Variants in ZFHX3 observed in about 807,000 individuals in gnomAD.
ZFHX3 encodes zinc finger homeobox 3, also known as zinc finger homeobox protein 3.
In ZFHX3, 42 loss-of-function variants were observed where a neutral mutation model predicts 279.1. The observed-to-expected ratio is 0.15, with a 90% CI of 0.12 to 0.19. The LOEUF (loss-of-function observed/expected upper bound fraction) is 0.19. Among genes scored for constraint, ZFHX3 ranks in the 10% least tolerant of loss-of-function variants. The pLI is 1.00. For missense variants in ZFHX3, 4,981 were observed against 4,754.0 expected, an observed-to-expected ratio of 1.05 and a Z score of -1.40; for synonymous variants, 2,293 against 1,957.8, an observed-to-expected ratio of 1.17 and a Z score of -4.52.
intron 2 of ZFHX3, among the ~76,000 whole-genome samples, chr16:73,469,849 C>G (rs1052517550): frequency 1.3e-5 from 2 of 152,096 alleles, no homozygotes; most frequent in African/African-American, 4.8e-5. Context: ...AACTCCTGAC[C>G]TCGTGATGCA....
At chr16:73,859,619 A>C (rs1319171390) in intron 1 of ZFHX3, among the ~76,000 whole-genome samples, 1 of 152,218 alleles carries the variant, frequency 6.6e-6, no homozygotes, top group Non-Finnish European at 1.5e-5. Flanking sequence ...TATTAACAAG[A>C]TAATACCTGG....
chr16:73,740,595 A>T (rs1041530781), intron 1 of ZFHX3, among the ~76,000 whole-genome samples: 1 of 152,218 alleles, frequency 6.6e-6, no homozygotes, highest in East Asian at 1.9e-4. Context: ...GATGGTATTC[A>T]TTTTACCATG....
intron 2 of ZFHX3, among the ~76,000 whole-genome samples, chr16:73,617,222 G>A (rs1281320272): frequency 2.0e-5 from 3 of 152,134 alleles, no homozygotes; most frequent in Non-Finnish European, 2.9e-5. Flanking sequence ...TTGATATGAC[G>A]GGCTGCTTAT....
intron 6 of ZFHX3, among the ~76,000 whole-genome samples, chr16:73,139,673 C>T (rs992683574): frequency 1.3e-5 from 2 of 152,152 alleles, no homozygotes; most frequent in Non-Finnish European, 2.9e-5. Flanking sequence ...TGGCTGCCGC[C>T]GTGATGCTCC....
At chr16:73,810,887 T>C (rs949862793) in intron 1 of ZFHX3, among the ~76,000 whole-genome samples, 2 of 152,164 alleles carry the variant, frequency 1.3e-5, no homozygotes, top group South Asian at 2.1e-4. Flanking sequence ...TTCTACTAAT[T>C]TTATAATATA....
chr16:73,079,621 G>C (rs966506109), intron 8 of ZFHX3, among the ~76,000 whole-genome samples: 1 of 151,948 alleles, frequency 6.6e-6, no homozygotes. Flanking sequence ...TTACAAGCGT[G>C]AGCTGCCACA....
chr16:73,830,464 A>C (rs1345367341), intron 1 of ZFHX3, among the ~76,000 whole-genome samples: 1 of 152,208 alleles, frequency 6.6e-6, no homozygotes, highest in East Asian at 1.9e-4. Context: ...AGCAGAAGCA[A>C]GGGTTAACTG....
At chr16:73,275,717 T>A (rs2014278322) in intron 4 of ZFHX3, among the ~76,000 whole-genome samples, 1 of 152,240 alleles carries the variant, frequency 6.6e-6, no homozygotes. Flanking sequence ...AATACTTTAT[T>A]GCTAACAAAT....
At position 73,695,132 on chromosome 16, in the gene ZFHX3, G is replaced by A. The variant is rs576020944; in HGVS notation, c.-1607-14892C>T. On this transcript the variant is annotated intron_variant, in intron 1 of 17. Coordinates refer to the ZFHX3 transcript ENST00000641206. ...ACTCCTCCTATACCCCGATGGGGTG[G>A]TGCCAGTCAGTAAATATTTTTCAAG... Among the ~76,000 whole-genome samples, 121 of 152,286 alleles carry A rather than the reference G, an allele frequency of 7.9e-4. 1 individual carries two copies. Among genetic ancestry groups the A allele is most frequent in the African/African-American group, 2.7e-3 (113 of 41,566 alleles).
At chr16:73,695,232 GT>G (rs1409367239) in intron 1 of ZFHX3, among the ~76,000 whole-genome samples, 1 of 77,918 alleles carries the variant, frequency 1.3e-5, no homozygotes, top group Non-Finnish European at 3.0e-5. Flanking sequence ...TTCAAATACA[GT>G]TTTTTTTTGT....
chr16:73,314,787 A>G (rs187772595), intron 4 of ZFHX3, among the ~76,000 whole-genome samples: 2 of 152,376 alleles, frequency 1.3e-5, no homozygotes, highest in African/African-American at 4.8e-5. Flanking sequence ...AAAAGACCCA[A>G]CAACTTTTCT....
At chr16:73,336,078 C>A (rs1470409315) in intron 3 of ZFHX3, among the ~76,000 whole-genome samples, 2 of 152,174 alleles carry the variant, frequency 1.3e-5, no homozygotes, top group Non-Finnish European at 2.9e-5. Flanking sequence ...CACCCAGGCT[C>A]CCATTCGTTC....
intron 3 of ZFHX3, among the ~76,000 whole-genome samples, chr16:72,936,597 T>C (rs1400274394): frequency 6.6e-6 from 1 of 152,142 alleles, no homozygotes; most frequent in Non-Finnish European, 1.5e-5. Context: ...AAAGGCCCTG[T>C]GGCAGGCGCC....
chr16:72,788,934 C>G, intron 9 of ZFHX3, 86 bp from the exon 10 acceptor site: 1 of 1,489,010 alleles, frequency 6.7e-7, no homozygotes, highest in Non-Finnish European at 8.9e-7. Context: ...GTCACTGGCA[C>G]ACAGTTTGAG....
chr16:72,846,011 T>C (rs2037470637), intron 4 of ZFHX3, among the ~76,000 whole-genome samples: 1 of 152,162 alleles, frequency 6.6e-6, no homozygotes, highest in African/African-American at 2.4e-5. Flanking sequence ...TTGTGCTGTC[T>C]GTCCATCCAT....
intron 1 of ZFHX3, among the ~76,000 whole-genome samples, chr16:72,977,501 T>G (rs895184708): frequency 2.6e-5 from 4 of 152,158 alleles, no homozygotes; most frequent in Admixed American, 2.6e-4. Context: ...GTCTAGGAAC[T>G]AACATGAACC....
chr16:72,928,053 G>C (rs1959557359), intron 3 of ZFHX3, among the ~76,000 whole-genome samples: 1 of 143,474 alleles, frequency 7.0e-6, no homozygotes, highest in Non-Finnish European at 1.5e-5. Flanking sequence ...CCGTGCCAAG[G>C]CCAGGCAACG....
At chr16:73,032,280 C>T (rs776257653) in intron 1 of ZFHX3, among the ~76,000 whole-genome samples, 2 of 151,946 alleles carry the variant, frequency 1.3e-5, no homozygotes, top group Admixed American at 6.6e-5. Context: ...CCAGCCTGGG[C>T]GACTGAACAA....
At chr16:73,306,313 T>G (rs969561853) in intron 4 of ZFHX3, among the ~76,000 whole-genome samples, 12 of 152,178 alleles carry the variant, frequency 7.9e-5, no homozygotes, top group Admixed American at 5.2e-4. Flanking sequence ...ATTTAACACA[T>G]GAATACTTGT....
Sources: gnomAD v4.1 joint callset for allele counts (sites outside exome capture counted in the v4.1 genomes callset) on GRCh38, gnomAD v4.1.1 for gene constraint, MANE v1.5 for transcripts, NCBI Gene and HGNC (gene_info 2026-07-23, HGNC 2026-07-21) for gene names.